The following DYNC2H1 variants were observed in gnomAD, a reference collection of about 807,000 sequenced individuals.
DYNC2H1 encodes the protein dynein cytoplasmic 2 heavy chain 1.
Under a neutral mutation model 570.0 loss-of-function variants are expected in DYNC2H1, and 410 were observed. That is an observed-to-expected ratio of 0.72 (90% confidence interval 0.66 to 0.78). The LOEUF is 0.78. DYNC2H1 is among the 30% of genes least tolerant of loss of function. The pLI is 0.00. For missense variants in DYNC2H1, 4,865 were observed against 5,046.4 expected (o/e 0.96, Z 1.09); for synonymous variants, 1,688 against 1,677.6 (o/e 1.01, Z -0.15).
chr11:103,153,412 A>C lies in DYNC2H1; in HGVS notation c.3206A>C (p.Glu1069Ala). 1 of 1,562,136 alleles carries C rather than the reference A, an allele frequency of 6.4e-7. No homozygotes were observed. Residue 1069 changes from glutamate (E) to alanine (A), a missense_variant, in exon 22 of 89, where the codon GAA becomes GCA. Transcript: ENST00000375735. Reference sequence around the variant, plus strand: ...CTAAAGCCTGGTGATGATGTTATTGAAACTGGCCAACATAATACTCTTGAT... The same window carrying C: ...CTAAAGCCTGGTGATGATGTTATTGCAACTGGCCAACATAATACTCTTGAT... ...DQLKPGDDVIETGQHNTLDKS... is the reference protein window; with the variant it reads ...DQLKPGDDVIATGQHNTLDKS...
intron 82 of DYNC2H1, among the ~76,000 whole-genome samples, chr11:103,337,222 G>GA (rs1180755339): frequency 5.3e-5 from 8 of 152,276 alleles, no homozygotes; most frequent in African/African-American, 1.9e-4. Flanking sequence ...TAGTTAATCT[G>GA]AAATCTATAG....
chr11:103,474,475 C>G (rs561031120), intron 88 of DYNC2H1, among the ~76,000 whole-genome samples: 1 of 152,224 alleles, frequency 6.6e-6, no homozygotes, highest in Non-Finnish European at 1.5e-5. Flanking sequence ...GGCCAAATAG[C>G]TAATATGAGT....
At position 103,324,324 on chromosome 11, in the gene DYNC2H1, C is replaced by A. The variant is rs2135445778; in HGVS notation, c.12039+334C>A. Among the ~76,000 whole-genome samples the A allele has an allele frequency of 6.6e-6, 1 of 152,254 alleles. No individual in the cohort carries two copies. Reference sequence around the variant, plus strand: ...AATTTTTCGATCCTCCCTCTCCTCTCACCCTCCACCCTCAAGTAGGCCCTG... The same window carrying A: ...AATTTTTCGATCCTCCCTCTCCTCTAACCCTCCACCCTCAAGTAGGCCCTG... On this transcript the variant is annotated intron_variant, in intron 82 of 88. Coordinates refer to ENST00000375735, the MANE Select transcript of DYNC2H1 (RefSeq NM_001377.3). The surrounding 1 kb of genome is among the most constrained non-coding windows in gnomAD (Gnocchi z 5.2).
Position 103,114,117 on chromosome 11 carries a change from CA to C in DYNC2H1, c.382del (p.Arg128GlufsTer11). ...PMLLKDQEWS[R>X]NFDPKLQNLL... ...TTTTTATTTAGGATCAGGAATGGAG[CA>C]GAAACTTTGATCCCAAACTTCAGAA... On this transcript the variant is annotated frameshift_variant, in exon 3 of 89. Transcript: ENST00000375735. LOFTEE classifies it high-confidence loss of function. 6.2e-7 allele frequency: 1 copy of C among 1,610,270 alleles called. No homozygotes were observed. Among genetic ancestry groups the C allele is most frequent in the Non-Finnish European group, 8.5e-7 (1 of 1,178,108 alleles).
chr11:103,477,414 CAT>C (rs1171968530), intron 88 of DYNC2H1, among the ~76,000 whole-genome samples: 1 of 152,086 alleles, frequency 6.6e-6, no homozygotes, highest in Non-Finnish European at 1.5e-5. Context: ...TGAATAAAAT[CAT>C]ATAAATTCAG....
intron 84 of DYNC2H1, among the ~76,000 whole-genome samples, chr11:103,428,896 G>T (rs1943782204): frequency 6.6e-6 from 1 of 151,904 alleles, no homozygotes; most frequent in Non-Finnish European, 1.5e-5. Flanking sequence ...GATGGATGTG[G>T]GTTGTTTCCA....
intron 83 of DYNC2H1, among the ~76,000 whole-genome samples, chr11:103,359,760 G>T (rs970551050): frequency 6.6e-6 from 1 of 151,674 alleles, no homozygotes; most frequent in Non-Finnish European, 1.5e-5. Context: ...CGCCTCCCGG[G>T]TTCAAGTGAT....
At chr11:103,366,740 A>G (rs1470246397) in intron 83 of DYNC2H1, among the ~76,000 whole-genome samples, 2 of 152,138 alleles carry the variant, frequency 1.3e-5, no homozygotes, top group African/African-American at 4.8e-5. Context: ...AGATTAGTTA[A>G]TACTTGTAAA....
intron 29 of DYNC2H1, among the ~76,000 whole-genome samples, 155 bp from the exon 30 acceptor site, chr11:103,162,873 T>A (rs1034842017): frequency 2.0e-5 from 3 of 152,184 alleles, no homozygotes; most frequent in African/African-American, 7.2e-5. Flanking sequence ...CTATAACACA[T>A]TTTAGGAGTG....
chr11:103,233,056 A>C (rs921106839), intron 60 of DYNC2H1, among the ~76,000 whole-genome samples: 8 of 152,018 alleles, frequency 5.3e-5, no homozygotes, highest in Non-Finnish European at 1.0e-4. Flanking sequence ...CATATTGGAC[A>C]AATTGGTTCT....
chr11:103,477,832 CAAAAAAAAA>C (rs55817710), intron 88 of DYNC2H1, among the ~76,000 whole-genome samples: 1 of 72,620 alleles, frequency 1.4e-5, no homozygotes, highest in African/African-American at 5.5e-5. Flanking sequence ...CTCCCCATCT[CAAAAAAAAA>C]AAAAAAAAAA....
At chr11:103,360,214 A>G (rs1940573159) in intron 83 of DYNC2H1, among the ~76,000 whole-genome samples, 1 of 152,100 alleles carries the variant, frequency 6.6e-6, no homozygotes, top group South Asian at 2.1e-4. Flanking sequence ...CCTAAAATAA[A>G]ATTATGATTT....
intron 83 of DYNC2H1, among the ~76,000 whole-genome samples, chr11:103,365,446 A>G (rs912172124): frequency 1.6e-4 from 24 of 152,346 alleles, no homozygotes; most frequent in Non-Finnish European, 1.9e-4. Context: ...AATTATGTAA[A>G]GCCCAGAAAT....
At chr11:103,468,516 AGGTAG>A in intron 87 of DYNC2H1, 68 bp from the exon 88 acceptor site, 4 of 985,482 alleles carry the variant, frequency 4.1e-6, no homozygotes, top group Non-Finnish European at 6.3e-6. Context: ...ATAGCTCTTA[AGGTAG>A]AATAGAGTAA....
chr11:103,290,777 T>G (rs1246876708), intron 75 of DYNC2H1, among the ~76,000 whole-genome samples: 1 of 152,192 alleles, frequency 6.6e-6, no homozygotes, highest in African/African-American at 2.4e-5. Flanking sequence ...TTTCTGCATG[T>G]GTGTTGTCCT....
At chr11:103,347,832 A>G (rs1395104402) in intron 82 of DYNC2H1, among the ~76,000 whole-genome samples, 2 of 152,094 alleles carry the variant, frequency 1.3e-5, no homozygotes, top group Non-Finnish European at 2.9e-5. Context: ...ACCACTTTTC[A>G]AGTCCCCCTC....
At chr11:103,316,087 T>C (rs546840123) in intron 79 of DYNC2H1, among the ~76,000 whole-genome samples, 5 of 152,164 alleles carry the variant, frequency 3.3e-5, no homozygotes, top group African/African-American at 7.2e-5. Flanking sequence ...GTTATAGTTA[T>C]ATAATTTTAT....
At chr11:103,251,535 T>C (rs1031699251) in intron 65 of DYNC2H1, among the ~76,000 whole-genome samples, 1 of 152,132 alleles carries the variant, frequency 6.6e-6, no homozygotes, top group Non-Finnish European at 1.5e-5. Context: ...GCCCCCTTTT[T>C]GTGTGTCAAG....
At position 103,156,781 on chromosome 11, in the gene DYNC2H1, T is replaced by C; in HGVS notation, c.4127+11T>C. 6.3e-7 allele frequency: 1 copy of C among 1,596,692 alleles called. No individual in the cohort carries two copies. The highest frequency in any genetic ancestry group is 8.5e-7 in the Non-Finnish European group (1 of 1,176,282). On this transcript the variant is annotated intron_variant, in intron 26 of 88. Transcript: ENST00000375735. ...TGATGAAGATTTTAGGTCAGTACAA[T>C]GATGTAAGACATAGACACATATGGT... is the stretch of plus-strand genomic sequence containing the variant.
Sources: allele counts gnomAD v4.1 joint callset (sites outside exome capture counted in the v4.1 genomes callset), GRCh38; gene constraint gnomAD v4.1.1; non-coding constraint Gnocchi (gnomAD v3.1); transcripts MANE v1.5; gene names NCBI Gene and HGNC (gene_info 2026-07-23, HGNC 2026-07-21).